TMEM132D: variants seen among roughly 807,000 people sequenced by gnomAD.
TMEM132D encodes mature OL transmembrane protein.
A neutral mutation model predicts 62.3 loss-of-function variants in TMEM132D; 21 were observed. The ratio of observed to expected loss-of-function variants is 0.34; its 90% CI spans 0.24 to 0.49. The LOEUF is 0.49. TMEM132D is among the 20% of genes least tolerant of loss of function. The probability of loss-of-function intolerance (pLI) is 0.99; values close to 1 mark genes in which losing one functional copy is unlikely to be tolerated. For synonymous variants in TMEM132D, 621 were observed against 575.6 expected (o/e 1.08, Z -1.13); for missense variants, 1,346 against 1,402.8 (o/e 0.96, Z 0.65).
chr12:129,427,338 T>C (rs952521215), intron 3 of TMEM132D, among the ~76,000 whole-genome samples: 7 of 142,398 alleles, frequency 4.9e-5, no homozygotes, highest in Admixed American at 3.1e-4. Context: ...TTCTCACTCA[T>C]AGGTGGAAAC....
chr12:129,199,997 C>T (rs1878657001), intron 5 of TMEM132D, among the ~76,000 whole-genome samples: 1 of 152,188 alleles, frequency 6.6e-6, no homozygotes, highest in Non-Finnish European at 1.5e-5. Context: ...AGAATCACCA[C>T]TATTTGCTGT....
intron 2 of TMEM132D, among the ~76,000 whole-genome samples, chr12:129,616,102 C>T (rs896659234): frequency 1.3e-5 from 2 of 152,178 alleles, no homozygotes; most frequent in African/African-American, 2.4e-5. Flanking sequence ...TATTCTACTT[C>T]CTTGTTTGGT....
intron 5 of TMEM132D, among the ~76,000 whole-genome samples, chr12:129,106,283 G>A (rs1203446682): frequency 1.6e-5 from 2 of 126,710 alleles, no homozygotes; most frequent in Non-Finnish European, 3.2e-5. Context: ...GGCGGAGGGG[G>A]GAGGGATAGC....
At chr12:129,883,052 G>C (rs1206782927) in intron 1 of TMEM132D, among the ~76,000 whole-genome samples, 1 of 152,128 alleles carries the variant, frequency 6.6e-6, no homozygotes, top group East Asian at 1.9e-4. Context: ...ACAGGGAAAA[G>C]GGAAAGAAGG....
chr12:129,805,198 G>A (rs1464985193), intron 1 of TMEM132D, among the ~76,000 whole-genome samples: 20 of 151,732 alleles, frequency 1.3e-4, no homozygotes, highest in Admixed American at 1.3e-3. Context: ...CTACTTTAAA[G>A]TTCATATGGA....
chr12:129,350,416 T>A (rs2135667603), intron 3 of TMEM132D, among the ~76,000 whole-genome samples: 2 of 152,304 alleles, frequency 1.3e-5, no homozygotes, highest in South Asian at 4.1e-4. Context: ...TGGGTCCACT[T>A]ATCTCGAATT....
intron 1 of TMEM132D, among the ~76,000 whole-genome samples, chr12:129,737,780 T>C (rs1869474440): frequency 6.6e-6 from 1 of 152,196 alleles, no homozygotes; most frequent in African/African-American, 2.4e-5. Flanking sequence ...AGAGCAGTAA[T>C]GGGAATTATC....
intron 3 of TMEM132D, among the ~76,000 whole-genome samples, chr12:129,373,537 C>A (rs1870684986): frequency 6.6e-6 from 1 of 152,092 alleles, no homozygotes; most frequent in African/African-American, 2.4e-5. Flanking sequence ...GAGGCTGAGG[C>A]AGGAGAATGG....
chr12:129,621,038 C>T (rs944757487), intron 2 of TMEM132D, among the ~76,000 whole-genome samples: 9 of 152,132 alleles, frequency 5.9e-5, no homozygotes, highest in South Asian at 2.1e-4. Flanking sequence ...GATCCAAGCC[C>T]GCAGTGTCTT....
At chr12:129,828,229 C>T (rs1032047617) in intron 1 of TMEM132D, among the ~76,000 whole-genome samples, 2 of 152,044 alleles carry the variant, frequency 1.3e-5, no homozygotes, top group Non-Finnish European at 2.9e-5. Flanking sequence ...TTCATCTCAC[C>T]GAGCCAGAGA....
intron 5 of TMEM132D, chr12:129,110,615 C>G (rs1049702345): frequency 8.5e-5 from 13 of 152,256 alleles, no homozygotes; most frequent in African/African-American, 2.9e-4. Context: ...ACCTCCCTCC[C>G]CCTGAGGTGC....
At chr12:129,075,153 G>T in intron 8 of TMEM132D, 94 bp from the exon 9 acceptor site, 1 of 979,650 alleles carries the variant, frequency 1.0e-6, no homozygotes, top group South Asian at 1.7e-5. Context: ...CAAAACTATT[G>T]CTACAAGAAC....
chr12:129,692,935 G>A (rs184771609), intron 2 of TMEM132D, among the ~76,000 whole-genome samples: 8 of 152,090 alleles, frequency 5.3e-5, no homozygotes, highest in Admixed American at 2.6e-4. Flanking sequence ...AAACCACCAC[G>A]GCACACGTTA....
chr12:129,348,859 C>T (rs1275714563), intron 3 of TMEM132D, among the ~76,000 whole-genome samples: 1 of 152,228 alleles, frequency 6.6e-6, no homozygotes, highest in Non-Finnish European at 1.5e-5. Context: ...CCTTCCACCA[C>T]AGCTCCCATT....
chr12:129,195,105 A>G (rs890763098), intron 5 of TMEM132D, among the ~76,000 whole-genome samples: 3 of 152,238 alleles, frequency 2.0e-5, no homozygotes, highest in Admixed American at 2.0e-4. Context: ...ATGAAAAAAC[A>G]TAGGGCAGGG....
At chr12:129,892,958 C>A (rs552263649) in intron 1 of TMEM132D, among the ~76,000 whole-genome samples, 1 of 152,234 alleles carries the variant, frequency 6.6e-6, no homozygotes, top group African/African-American at 2.4e-5. Flanking sequence ...CTCACTACAA[C>A]CTCCACCTCC....
intron 2 of TMEM132D, among the ~76,000 whole-genome samples, chr12:129,673,226 A>G (rs1468503731): frequency 6.6e-6 from 1 of 152,224 alleles, no homozygotes; most frequent in African/African-American, 2.4e-5. Context: ...TAACTCTTCC[A>G]GAAAGTCTCA....
At chr12:129,880,090 A>T (rs1373806471) in intron 1 of TMEM132D, among the ~76,000 whole-genome samples, 5 of 152,164 alleles carry the variant, frequency 3.3e-5, no homozygotes, top group African/African-American at 1.2e-4. Flanking sequence ...CTTCTAAAAA[A>T]GAAAAAGAGA....
At chr12:129,751,401 C>A (rs1869996359) in intron 1 of TMEM132D, among the ~76,000 whole-genome samples, 1 of 152,172 alleles carries the variant, frequency 6.6e-6, no homozygotes. Context: ...GTGATCTAAT[C>A]ACCTCCCACC....
Sources: allele counts gnomAD v4.1 joint callset (sites outside exome capture counted in the v4.1 genomes callset), GRCh38; gene constraint gnomAD v4.1.1; transcripts MANE v1.5; gene names NCBI Gene and HGNC (gene_info 2026-07-23, HGNC 2026-07-21).